SIM2: variants seen among roughly 807,000 people sequenced by gnomAD.
SIM2 encodes the protein single-minded homolog 2.
SIM2 carries 28 observed loss-of-function variants against 64.8 expected under a neutral mutation model. That is an observed-to-expected ratio of 0.43 (90% CI 0.32 to 0.59). The LOEUF is 0.59. Among genes scored for constraint, SIM2 ranks in the 20% least tolerant of loss-of-function variants. The probability of loss-of-function intolerance (pLI) is 0.07; values close to 1 mark genes in which losing one functional copy is unlikely to be tolerated. For synonymous variants in SIM2, 408 were observed against 391.1 expected, an observed-to-expected ratio of 1.04 and a Z score of -0.51; for missense variants, 847 against 871.4, an observed-to-expected ratio of 0.97 and a Z score of 0.35.
Position 36,747,744 on chromosome 21 carries a change from G to C in SIM2, c.1656G>C (p.Glu552Asp). 1 of 1,217,360 alleles carries C rather than the reference G, an allele frequency of 8.2e-7. No individual in the cohort carries two copies. Among genetic ancestry groups the C allele is most frequent in the African/African-American group, 1.6e-5 (1 of 62,828 alleles). The allele number at this position is 1,217,360 out of a possible 1,614,324, so 75.4% of individuals were successfully genotyped here. Residue 552 changes from glutamate to aspartate, a missense_variant, in exon 11 of 11, where the codon GAG becomes GAC. Coordinates refer to ENST00000290399, the MANE Select transcript of SIM2 (RefSeq NM_005069.6). The surrounding 1 kb of genome is among the most constrained non-coding windows in gnomAD (Gnocchi z 4.5). ...CGAGCTGCGGCCACTACCGCGAGGA[G>C]CCCGCGCTGGGCCCGGCCAAAGCCG... ...SFPSCGHYREEPALGPAKAAR... is the reference protein window; with the variant it reads ...SFPSCGHYREDPALGPAKAAR...
At chr21:36,739,433 C>T (rs1601054623) in intron 7 of SIM2, among the ~76,000 whole-genome samples, 1 of 152,216 alleles carries the variant, frequency 6.6e-6, no homozygotes, top group African/African-American at 2.4e-5. Flanking sequence ...TTGTATCACA[C>T]ATTTCCCATA....
rs560386205 is a variant in SIM2 at position 36,741,612 on chromosome 21, CA to C, written c.851-103del. The stretch of plus-strand genomic sequence containing the variant: ...AGCGGAGAAAGCCCGCCCCCTTTGT[CA>C]AGTTCTCAGAGGTGTCCTTGGGACA... On this transcript the variant is annotated intron_variant, in intron 7 of 10. Coordinates refer to ENST00000290399, the MANE Select transcript of SIM2 (RefSeq NM_005069.6). 1.7e-3 allele frequency: 2,280 copies of C among 1,355,042 alleles called. 28 individuals carry two copies. The African/African-American group carries it at 0.029, about 17-fold the overall frequency. The allele number at this position is 1,355,042 out of a possible 1,614,324, so 83.9% of individuals were successfully genotyped here. A position where few individuals can be genotyped will look rare whatever the true frequency, so the allele number is the denominator to read the frequency against.
intron 6 of SIM2, among the ~76,000 whole-genome samples, chr21:36,729,679 C>T (rs1216889563): frequency 6.6e-6 from 1 of 152,094 alleles, no homozygotes; most frequent in African/African-American, 2.4e-5. Flanking sequence ...ACCATAGCCT[C>T]GCCTGCCTTG....
chr21:36,742,816 A>T (rs1266631993), intron 8 of SIM2, among the ~76,000 whole-genome samples: 1 of 152,222 alleles, frequency 6.6e-6, no homozygotes, highest in Non-Finnish European at 1.5e-5. Context: ...GGGAGAAAAC[A>T]GTTTAGCCCT....
At position 36,747,823 on chromosome 21, in the gene SIM2, G is replaced by C. The variant is rs1159894761; in HGVS notation, c.1735G>C (p.Glu579Gln). The change falls in exon 11 of 11, where the codon GAG becomes CAG. Residue 579 changes from glutamate (E) to glutamine (Q), a missense_variant. By Grantham distance (29) the Glu-to-Gln change is conservative (BLOSUM62 2). Coordinates refer to ENST00000290399, the MANE Select transcript of SIM2 (RefSeq NM_005069.6). This position sits in a 1 kb window ranked among gnomAD's most constrained non-coding sequence, Gnocchi z 4.5. ...GCTGGCGCTGGCCCGCGCGGCACCCGAGTGCTGCGCGCCCCCGACCCCCGA... is the reference window on the plus strand; with the variant it reads ...GCTGGCGCTGGCCCGCGCGGCACCCCAGTGCTGCGCGCCCCCGACCCCCGA... ...ARLALARAAP[E>Q]CCAPPTPEAP... is the part of the protein sequence containing the mutation. The C allele has an allele frequency of 9.6e-7, 1 of 1,036,540 alleles. No individual in the cohort carries two copies. The highest frequency in any genetic ancestry group is 1.2e-6 in the Non-Finnish European group (1 of 866,164). The allele number at this position is 1,036,540 out of a possible 1,614,324, so 64.2% of individuals were successfully genotyped here.
In SIM2 at chr21:36,748,676, C is replaced by T. The variant is rs570905675; in HGVS notation, c.*584C>T. The stretch of plus-strand genomic sequence containing the variant: ...CCCTTTCTTCAATACAAAAAGCCAA[C>T]AAACCAAGACTAAGGGGGTGACCAT... On this transcript the variant is annotated 3_prime_UTR_variant, in exon 11 of 11. Coordinates refer to ENST00000290399, the MANE Select transcript of SIM2 (RefSeq NM_005069.6). The T allele has an allele frequency of 1.3e-5, 2 of 152,664 alleles. No homozygotes were observed. Among genetic ancestry groups the T allele is most frequent in the African/African-American group, 4.8e-5 (2 of 41,570 alleles). The allele number at this position is 152,664 out of a possible 1,614,324, so 9.5% of individuals were successfully genotyped here.
chr21:36,703,620 G>A (rs2088536861), intron 1 of SIM2, among the ~76,000 whole-genome samples: 1 of 152,220 alleles, frequency 6.6e-6, no homozygotes, highest in Non-Finnish European at 1.5e-5. Context: ...GGTAGATAGT[G>A]CTGGGAAGAG....
In SIM2 at chr21:36,745,536, A is replaced by C; in HGVS notation, c.1576+400A>C. On this transcript the variant is annotated intron_variant, in intron 10 of 10. Transcript: ENST00000290399. The surrounding 1 kb of genome is among the most constrained non-coding windows in gnomAD (Gnocchi z 4.8). The stretch of plus-strand genomic sequence containing the variant: ...AACCAGAAGTGAATATTTGAGACAA[A>C]CGGCCTATTGGCTATTTTCCCATGC... 8.9e-7 allele frequency: 1 copy of C among 1,119,792 alleles called. No individual in the cohort carries two copies. Among genetic ancestry groups the C allele is most frequent in the Non-Finnish European group, 1.1e-6 (1 of 904,156 alleles). 69.4% of individuals were successfully genotyped at this position (1,119,792 alleles called of 1,614,324 possible). A position where few individuals can be genotyped will look rare whatever the true frequency, so the allele number is the denominator to read the frequency against.
rs764319761 is a variant in SIM2 at position 36,699,760 on chromosome 21, C to T, written c.14C>T (p.Ser5Phe). The T allele has an allele frequency of 2.8e-5, 45 of 1,612,702 alleles. No individual in the cohort carries two copies. Among genetic ancestry groups the T allele is most frequent in the Non-Finnish European group, 3.5e-5 (41 of 1,179,330 alleles). Residue 5 changes from serine to phenylalanine, a missense_variant, in exon 1 of 11, where the codon TCC becomes TTC. By Grantham distance (155) the Ser-to-Phe change is radical. Transcript: ENST00000290399. This position sits in a 1 kb window ranked among gnomAD's most constrained non-coding sequence, Gnocchi z 5.6. Reference sequence around the variant, plus strand: ...AGCCGAGGCGCGATGAAGGAGAAGTCCAAGAATGCGGCCAAGACCAGGAGG... The same window carrying T: ...AGCCGAGGCGCGATGAAGGAGAAGTTCAAGAATGCGGCCAAGACCAGGAGG... MKEK[S>F]KNAAKTRREK...
intron 3 of SIM2, among the ~76,000 whole-genome samples, chr21:36,717,841 C>G (rs370125793): frequency 6.6e-6 from 1 of 152,216 alleles, no homozygotes; most frequent in East Asian, 1.9e-4. Flanking sequence ...TCCCAAATGG[C>G]TGGCTTACCT....
intron 7 of SIM2, among the ~76,000 whole-genome samples, chr21:36,737,984 C>CAAAAAAAAAAAAAAA (rs71326699): frequency 2.2e-5 from 2 of 90,264 alleles, no homozygotes; most frequent in Non-Finnish European, 2.1e-5. Flanking sequence ...AAAAAAAAAG[C>CAAAAAAAAAAAAAAA]AAAAAAAAAG....
chr21:36,714,278 A>G (rs150211274), intron 3 of SIM2, among the ~76,000 whole-genome samples: 1 of 152,346 alleles, frequency 6.6e-6, no homozygotes, highest in East Asian at 1.9e-4. Flanking sequence ...CACAAACACA[A>G]CAAAACATTT....
intron 2 of SIM2, chr21:36,709,648 C>A (rs56014036): frequency 6.2e-4 from 228 of 364,856 alleles, no homozygotes; most frequent in Non-Finnish European, 1.0e-3. Flanking sequence ...AGCTCTGAAG[C>A]ATTCGGCCGC....
Position 36,699,216 on chromosome 21 carries a change from G to A in SIM2, c.-531G>A, listed in dbSNP as rs1238638772. 1.3e-5 allele frequency: 2 copies of A among 151,826 alleles called. No individual in the cohort carries two copies. Among genetic ancestry groups the A allele is most frequent in the Non-Finnish European group, 2.9e-5 (2 of 67,940 alleles). 9.4% of individuals were successfully genotyped at this position (151,826 alleles called of 1,614,324 possible). A position where few individuals can be genotyped will look rare whatever the true frequency, so the allele number is the denominator to read the frequency against. ...CGTCTCCAGGCACAGGGAGCCGCCA[G>A]GAAGGGCAGGAGAGCGCGCCCGGGC... On this transcript the variant is annotated 5_prime_UTR_variant, in exon 1 of 11. Coordinates refer to ENST00000290399, the MANE Select transcript of SIM2 (RefSeq NM_005069.6). The surrounding 1 kb of genome is among the most constrained non-coding windows in gnomAD (Gnocchi z 5.6).
Position 36,723,107 on chromosome 21 carries a change from G to A in SIM2, c.520G>A (p.Gly174Ser), listed in dbSNP as rs1228880327. The change falls in exon 5 of 11, where the codon GGC (glycine) becomes AGC (serine). Residue 174 changes from glycine to serine, a missense_variant. Around this residue, in one of 3 missense-constraint regions of SIM2, gnomAD observed 397 missense variants for 439.2 expected, o/e 0.90. Coordinates refer to ENST00000290399, the MANE Select transcript of SIM2 (RefSeq NM_005069.6). The part of the protein sequence containing the change: ...MKCVLAKRNA[G>S]LTCSGYKVIH... ...ATGTGTCTTGGCGAAAAGGAACGCG[G>A]GCCTGACCTGCAGCGGATACAAGGT... is the stretch of plus-strand genomic sequence containing the variant. 10 of 1,614,128 alleles carry A rather than the reference G, an allele frequency of 6.2e-6. No homozygotes were observed. Among genetic ancestry groups the A allele is most frequent in the Non-Finnish European group, 8.5e-6 (10 of 1,180,020 alleles).
chr21:36,740,059 G>GAAAGAAAGAAAGAAAGAA (rs1181460821), intron 7 of SIM2, among the ~76,000 whole-genome samples: 29 of 136,330 alleles, frequency 2.1e-4, no homozygotes, highest in African/African-American at 7.5e-4. Context: ...AAGAAAGAAA[G>GAAAGAAAGAAAGAAAGAA]AGAAAATGCC....
At chr21:36,727,133 G>T (rs1470285864) in intron 6 of SIM2, among the ~76,000 whole-genome samples, 1 of 152,204 alleles carries the variant, frequency 6.6e-6, no homozygotes, top group African/African-American at 2.4e-5. Context: ...TGCCTCACAG[G>T]TTCAAGCGAT....
rs2089190009 is a variant in SIM2 at position 36,743,432 on chromosome 21, C to T, written c.1044C>T (p.Ser348=). Reference sequence around the variant, plus strand: ...TTCAGCTGTCCCTGGAGCAGGTGTCCACTGCCAAGTCCCAGGACTCCTGGA... The same window carrying T: ...TTCAGCTGTCCCTGGAGCAGGTGTCTACTGCCAAGTCCCAGGACTCCTGGA... ...KELQLSLEQV[S]TAKSQDSWRT... Residue 348 remains serine, a synonymous_variant, in exon 9 of 11, where the codon TCC becomes TCT. Transcript: ENST00000290399. The T allele has an allele frequency of 1.2e-6, 2 of 1,613,800 alleles. No homozygotes were observed. Among genetic ancestry groups the T allele is most frequent in the Non-Finnish European group, 1.7e-6 (2 of 1,179,920 alleles).
At position 36,731,170 on chromosome 21, in the gene SIM2, C is replaced by G. The variant is rs1438634570; in HGVS notation, c.850+19C>G. On this transcript the variant is annotated intron_variant, in intron 7 of 10. Transcript: ENST00000290399. Reference sequence around the variant, plus strand: ...CACCTCCGTGAGTAGCACGCCCACCCCAGCCACGGGAGGTAGCTGGTCAGG... The same window carrying G: ...CACCTCCGTGAGTAGCACGCCCACCGCAGCCACGGGAGGTAGCTGGTCAGG... 4 of 1,597,528 alleles carry G rather than the reference C, an allele frequency of 2.5e-6. No individual in the cohort carries two copies. The highest frequency in any genetic ancestry group is 3.4e-6 in the Non-Finnish European group (4 of 1,165,942).
Sources: allele counts gnomAD v4.1 joint callset (sites outside exome capture counted in the v4.1 genomes callset), GRCh38; gene constraint gnomAD v4.1.1; regional missense constraint gnomAD v4.1.1; non-coding constraint Gnocchi (gnomAD v3.1); transcripts MANE v1.5; gene names NCBI Gene and HGNC (gene_info 2026-07-23, HGNC 2026-07-21).